ZNF664: variants seen among roughly 807,000 people sequenced by gnomAD.
The protein encoded by ZNF664 is zinc finger Organ of Corti 1.
In ZNF664, 10 loss-of-function variants were observed where a neutral mutation model predicts 18.2. The observed-to-expected ratio is 0.55, with a 90% CI of 0.34 to 0.93. The LOEUF (loss-of-function observed/expected upper bound fraction) is 0.93. Among genes scored for constraint, ZNF664 ranks in the 40% least tolerant of loss-of-function variants. The pLI, the probability that ZNF664 is intolerant of heterozygous loss-of-function variation, is 0.02. For missense variants in ZNF664, 193 were observed against 319.0 expected (o/e 0.61, Z 3.01); for synonymous variants, 119 against 104.2 (o/e 1.14, Z -0.86).
At chr12:123,973,374 T>G (rs1956618910) in intron 1 of ZNF664, 22 bp downstream of exon 1, 1 of 953,344 alleles carries the variant, frequency 1.0e-6, no homozygotes, top group East Asian at 1.2e-4. Context: ...GCGGCCGGGC[T>G]GCAGTCTTTC....
chr12:123,997,088 C>CTCTTAAGTAAAAATATTTAAGTGA (rs1956958700), intron 3 of ZNF664, among the ~76,000 whole-genome samples: 1 of 152,254 alleles, frequency 6.6e-6, no homozygotes, highest in African/African-American at 2.4e-5. Context: ...GAAATGTAAT[C>CTCTTAAGTAAAAATATTTAAGTGA]TCTTAAGTAA....
intron 2 of ZNF664, 31 bp downstream of exon 2, chr12:123,974,051 C>T: frequency 9.9e-7 from 1 of 1,009,122 alleles, no homozygotes; most frequent in Non-Finnish European, 1.3e-6. Context: ...GTCCACTTCC[C>T]TCTGACTCCC....
chr12:123,991,695 G>A (rs544313077), intron 3 of ZNF664, among the ~76,000 whole-genome samples: 59 of 152,294 alleles, frequency 3.9e-4, no homozygotes, highest in Non-Finnish European at 7.2e-4. Flanking sequence ...CACATAGCAG[G>A]TGGCAGAGCA....
chr12:123,981,582 A>G (rs1174167664), intron 2 of ZNF664, among the ~76,000 whole-genome samples: 1 of 152,184 alleles, frequency 6.6e-6, no homozygotes, highest in African/African-American at 2.4e-5. Flanking sequence ...CAGCCTCCAT[A>G]ACTGTAAGAG....
chr12:124,000,715 G>A (rs1472235417), intron 3 of ZNF664, among the ~76,000 whole-genome samples: 1 of 152,072 alleles, frequency 6.6e-6, no homozygotes, highest in Non-Finnish European at 1.5e-5. Context: ...CAGTTGATTT[G>A]CTTGTTTTTC....
Position 124,012,413 on chromosome 12 carries a change from A to G in ZNF664, c.269A>G (p.Tyr90Cys). Residue 90 changes from tyrosine to cysteine, a missense_variant, in exon 5 of 5, where the codon TAC (tyrosine) becomes TGC (cysteine). By Grantham distance (194) the Tyr-to-Cys change is radical. Transcript: ENST00000337815. ...ACAGTGGAGAAGCCCTATAAATGTTACGAGTGTGGCAAAGCCTTCAATTGG... is the reference window on the plus strand; with the variant it reads ...ACAGTGGAGAAGCCCTATAAATGTTGCGAGTGTGGCAAAGCCTTCAATTGG... ...IHTVEKPYKC[Y>C]ECGKAFNWSS... is the part of the protein sequence containing the mutation. 6.2e-7 allele frequency: 1 copy of G among 1,614,244 alleles called. No individual in the cohort carries two copies. Among genetic ancestry groups the G allele is most frequent in the Non-Finnish European group, 8.5e-7 (1 of 1,180,042 alleles).
At chr12:123,982,420 C>T (rs979320886) in intron 2 of ZNF664, among the ~76,000 whole-genome samples, 12 of 152,134 alleles carry the variant, frequency 7.9e-5, no homozygotes, top group Non-Finnish European at 1.5e-4. Context: ...TGTGTGTCTG[C>T]CCTATGCTTC....
intron 2 of ZNF664, among the ~76,000 whole-genome samples, chr12:123,985,147 G>T (rs952631): frequency 6.6e-6 from 1 of 151,962 alleles, no homozygotes; most frequent in Non-Finnish European, 1.5e-5. Flanking sequence ...AGTGAGAAGA[G>T]TGAATTGGTC....
intron 3 of ZNF664, chr12:124,005,030 AACC>A (rs1210893326): frequency 6.5e-6 from 1 of 153,206 alleles, no homozygotes; most frequent in Non-Finnish European, 1.5e-5. Flanking sequence ...TCATCCCAAA[AACC>A]ATCACCCCTG....
intron 3 of ZNF664, among the ~76,000 whole-genome samples, chr12:124,001,260 T>C (rs1038126488): frequency 3.3e-5 from 5 of 152,236 alleles, no homozygotes; most frequent in African/African-American, 1.2e-4. Context: ...TCCCCTACCA[T>C]GTTTACCCCT....
chr12:123,979,086 TTAGG>T (rs1456306718), intron 2 of ZNF664, among the ~76,000 whole-genome samples: 3 of 152,182 alleles, frequency 2.0e-5, no homozygotes, highest in African/African-American at 7.2e-5. Context: ...ATGATGTGTT[TTAGG>T]TAGGCCATTT....
In ZNF664 at chr12:124,013,093, T is replaced by C; in HGVS notation, c.*163T>C. The C allele has an allele frequency of 9.9e-7, 1 of 1,009,668 alleles. No homozygotes were observed. The highest frequency in any genetic ancestry group is 1.4e-6 in the Non-Finnish European group (1 of 701,760). 62.5% of individuals were successfully genotyped at this position (1,009,668 alleles called of 1,614,324 possible). ...TTGATTTGTTGGTTCATGCCAAGTG[T>C]GTTCCACAGGTTGACTTTGAATGTG... On this transcript the variant is annotated 3_prime_UTR_variant, in exon 5 of 5. Transcript: ENST00000337815.
In ZNF664 at chr12:124,014,777, A is replaced by T. The variant is rs1325315790; in HGVS notation, c.*1847A>T. On this transcript the variant is annotated 3_prime_UTR_variant, in exon 5 of 5. Transcript: ENST00000337815. ...TTTTGTATAACTAAAACCTCAGCGC[A>T]TAAAGGAGATTTAAAAGGAGCACAT... 1.2e-5 allele frequency: 2 copies of T among 166,516 alleles called. No homozygotes were observed. Among genetic ancestry groups the T allele is most frequent in the African/African-American group, 4.8e-5 (2 of 41,462 alleles). 10.3% of individuals were successfully genotyped at this position (166,516 alleles called of 1,614,324 possible).
At chr12:124,007,604 C>T (rs1351711229) in intron 3 of ZNF664, among the ~76,000 whole-genome samples, 1 of 152,162 alleles carries the variant, frequency 6.6e-6, no homozygotes, top group Non-Finnish European at 1.5e-5. Flanking sequence ...GGATTATATT[C>T]GTTTCAGTCA....
At chr12:123,986,025 A>G (rs1956820517) in intron 2 of ZNF664, among the ~76,000 whole-genome samples, 1 of 151,482 alleles carries the variant, frequency 6.6e-6, no homozygotes, top group African/African-American at 2.4e-5. Flanking sequence ...GATGCTCATG[A>G]GCCTTAGGGA....
At chr12:123,976,941 G>A (rs1286089522) in intron 2 of ZNF664, among the ~76,000 whole-genome samples, 1 of 152,066 alleles carries the variant, frequency 6.6e-6, no homozygotes. Context: ...TTAGCTGGGC[G>A]TGGTGGCAGG....
chr12:123,977,732 A>G (rs908563787), intron 2 of ZNF664, among the ~76,000 whole-genome samples: 14 of 152,224 alleles, frequency 9.2e-5, no homozygotes, highest in African/African-American at 2.7e-4. Flanking sequence ...ATATTTAAAC[A>G]TATTATAGAG....
At chr12:123,973,728 A>C in intron 1 of ZNF664, 158 bp from the exon 2 acceptor site, 1 of 1,186,858 alleles carries the variant, frequency 8.4e-7, no homozygotes, top group Non-Finnish European at 1.1e-6. Flanking sequence ...GTTGGAGCCG[A>C]GGGAAGGGGG....
chr12:123,988,012 CCATTTTTCTCTTTG>C lies in ZNF664; in HGVS notation c.-756-25_-756-12del. 1 of 1,231,140 alleles carries C rather than the reference CCATTTTTCTCTTTG, an allele frequency of 8.1e-7. No individual in the cohort carries two copies. 76.3% of individuals were successfully genotyped at this position (1,231,140 alleles called of 1,614,324 possible). On this transcript the variant is annotated splice_polypyrimidine_tract_variant and intron_variant, in intron 2 of 4. Coordinates refer to ENST00000337815, the MANE Select transcript of ZNF664 (RefSeq NM_152437.3). ...GATCCTAAATTCTCTATAAATAAACCCATTTTTCTCTTTGCATTTCTCCCATCCAGCAGGATCCT... is the reference window on the plus strand; with the variant it reads ...GATCCTAAATTCTCTATAAATAAACCCATTTCTCCCATCCAGCAGGATCCT...
Sources: allele counts gnomAD v4.1 joint callset (sites outside exome capture counted in the v4.1 genomes callset), GRCh38; gene constraint gnomAD v4.1.1; transcripts MANE v1.5; gene names NCBI Gene and HGNC (gene_info 2026-07-23, HGNC 2026-07-21).